CHST11: variants seen among roughly 807,000 people sequenced by gnomAD.
CHST11 encodes C4S-1.
CHST11 carries 9 observed loss-of-function variants against 30.4 expected under a neutral mutation model. The ratio of observed to expected loss-of-function variants is 0.30; its 90% CI spans 0.18 to 0.52. The LOEUF (loss-of-function observed/expected upper bound fraction) is 0.52, where lower values mean the gene tolerates loss of function less well. Among genes scored for constraint, CHST11 ranks in the 20% least tolerant of loss-of-function variants. The pLI, the probability that CHST11 is intolerant of heterozygous loss-of-function variation, is 0.97. For missense variants in CHST11, 348 were observed against 460.6 expected (o/e 0.76, Z 2.24); for synonymous variants, 152 against 187.8 (o/e 0.81, Z 1.56).
At chr12:104,537,390 G>C (rs181537050) in intron 1 of CHST11, among the ~76,000 whole-genome samples, 21 of 152,254 alleles carry the variant, frequency 1.4e-4, no homozygotes, top group Admixed American at 2.6e-4. Context: ...ACGACATTAG[G>C]GGGGTAGTGG....
intron 1 of CHST11, among the ~76,000 whole-genome samples, chr12:104,519,976 G>A (rs367750725): frequency 2.0e-5 from 3 of 152,170 alleles, no homozygotes; most frequent in Non-Finnish European, 4.4e-5. Flanking sequence ...TGGAGAGTGC[G>A]TGTGTTTAAT....
intron 1 of CHST11, among the ~76,000 whole-genome samples, chr12:104,538,933 C>T (rs2038262927): frequency 6.6e-6 from 1 of 152,236 alleles, no homozygotes; most frequent in South Asian, 2.1e-4. Flanking sequence ...CAACATATGC[C>T]AACTCATTGA....
At chr12:104,726,552 G>A (rs1260257686) in intron 2 of CHST11, among the ~76,000 whole-genome samples, 1 of 152,128 alleles carries the variant, frequency 6.6e-6, no homozygotes, top group African/African-American at 2.4e-5. Flanking sequence ...CCACTGGGAG[G>A]TGGACAGAGG....
Position 104,733,894 on chromosome 12 carries a change from C to T in CHST11, c.205-23055C>T, listed in dbSNP as rs75797837. On this transcript the variant is annotated intron_variant, in intron 2 of 2. Transcript: ENST00000303694. ...GTTTCTTTGAAAAGCCAGCGGGGGG[C>T]GCTTTGAGCCTTCTGATGATGCCAT... Among the ~76,000 whole-genome samples, 1,359 of 152,338 alleles carry T rather than the reference C, an allele frequency of 8.9e-3. 19 individuals carry two copies. Among genetic ancestry groups the T allele is most frequent in the African/African-American group, 0.031 (1,303 of 41,576 alleles).
intron 2 of CHST11, among the ~76,000 whole-genome samples, chr12:104,717,369 C>G (rs927605684): frequency 1.3e-5 from 2 of 152,174 alleles, no homozygotes; most frequent in African/African-American, 2.4e-5. Flanking sequence ...CCAGCGCTTC[C>G]TTCAGTAGGT....
At chr12:104,724,834 G>GAA (rs2136128951) in intron 2 of CHST11, among the ~76,000 whole-genome samples, 1 of 152,292 alleles carries the variant, frequency 6.6e-6, no homozygotes, top group East Asian at 1.9e-4. Context: ...ATTTCAGATA[G>GAA]ACAATGAATA....
rs79033027 is a variant in CHST11, at chr12:104,692,190, G to C, written c.205-64759G>C. 6.0e-4 allele frequency among the ~76,000 whole-genome samples: 92 copies of C among 152,296 alleles called. No individual in the cohort carries two copies. The East Asian group carries it at 0.015, about 25-fold the overall frequency. ...CACCGTCTCTGCAGTTTCACCCACA[G>C]AGCGAACCTCGGTCCGCAGTCCTCA... On this transcript the variant is annotated intron_variant, in intron 2 of 2. Coordinates refer to ENST00000303694, the MANE Select transcript of CHST11 (RefSeq NM_018413.6).
At chr12:104,473,455 G>T (rs1377691444) in intron 1 of CHST11, among the ~76,000 whole-genome samples, 1 of 152,148 alleles carries the variant, frequency 6.6e-6, no homozygotes, top group African/African-American at 2.4e-5. Flanking sequence ...TCTTGCTTCA[G>T]TGGGAGCTCA....
At chr12:104,470,757 A>G (rs564595928) in intron 1 of CHST11, among the ~76,000 whole-genome samples, 1 of 152,310 alleles carries the variant, frequency 6.6e-6, no homozygotes, top group South Asian at 2.1e-4. Flanking sequence ...AGGCTTAGAG[A>G]GGTGAAGGAG....
intron 1 of CHST11, among the ~76,000 whole-genome samples, chr12:104,526,307 T>C (rs1311415427): frequency 6.6e-6 from 1 of 152,224 alleles, no homozygotes. Flanking sequence ...ATACTGTTTA[T>C]AGAGGCCTTG....
In CHST11 at chr12:104,457,683, A is replaced by T. The variant is rs901421989; in HGVS notation, c.118+154A>T. Among the ~76,000 whole-genome samples the T allele has an allele frequency of 2.7e-5, 4 of 150,638 alleles. No homozygotes were observed. The South Asian group carries it at 8.4e-4, about 32-fold the overall frequency. On this transcript the variant is annotated intron_variant, in intron 1 of 2. Coordinates refer to ENST00000303694, the MANE Select transcript of CHST11 (RefSeq NM_018413.6). ...CCAGAGCTCCTGGCTGCCCAGATCT[A>T]CCCGGGTCACCGCGTCGGGATGGGG...
At chr12:104,593,363 C>T (rs2038878404) in intron 1 of CHST11, among the ~76,000 whole-genome samples, 1 of 152,044 alleles carries the variant, frequency 6.6e-6, no homozygotes, top group Admixed American at 6.6e-5. Flanking sequence ...TCTGAATTGT[C>T]CCTGTGGGAG....
intron 2 of CHST11, among the ~76,000 whole-genome samples, chr12:104,737,995 C>T (rs1189883375): frequency 6.6e-6 from 1 of 152,148 alleles, no homozygotes; most frequent in African/African-American, 2.4e-5. Context: ...CCCCAGGCCC[C>T]GATCCTACTT....
chr12:104,577,440 G>A (rs2038695991), intron 1 of CHST11, among the ~76,000 whole-genome samples: 1 of 152,096 alleles, frequency 6.6e-6, no homozygotes, highest in African/African-American at 2.4e-5. Flanking sequence ...TGCTTAATAA[G>A]TGCTTTCAGA....
chr12:104,610,043 CTGTGTGTGTGTGTGTGTGTGTG>C (rs56983056), intron 2 of CHST11, among the ~76,000 whole-genome samples: 37,040 of 143,144 alleles, frequency 0.26, 4,740 homozygotes, highest in East Asian at 0.36. Context: ...ATGAGTGCCT[CTGTGTGTGTGTGTGTGTGTGTG>C]TGTGTGTGTG....
At chr12:104,581,890 T>G (rs552788312) in intron 1 of CHST11, among the ~76,000 whole-genome samples, 1 of 152,240 alleles carries the variant, frequency 6.6e-6, no homozygotes, top group Non-Finnish European at 1.5e-5. Context: ...AGCATTCAAC[T>G]TGTAGCAAAC....
At chr12:104,471,283 T>G (rs956218369) in intron 1 of CHST11, among the ~76,000 whole-genome samples, 2 of 152,370 alleles carry the variant, frequency 1.3e-5, no homozygotes, top group East Asian at 3.9e-4. Context: ...GCCTGGTACA[T>G]AATGGTCACT....
rs755004689 is a variant in CHST11 at position 104,626,488 on chromosome 12, G to A, written c.204+24497G>A. Among the ~76,000 whole-genome samples the A allele has an allele frequency of 3.3e-5, 5 of 151,702 alleles. No individual in the cohort carries two copies. The South Asian group carries it at 1.0e-3, about 32-fold the overall frequency. On this transcript the variant is annotated intron_variant, in intron 2 of 2. Transcript: ENST00000303694. ...GAGAGCTATAATACTTTACAGGATTGGGGCAGAGCACATGAAATCATGTGT... is the reference window on the plus strand; with the variant it reads ...GAGAGCTATAATACTTTACAGGATTAGGGCAGAGCACATGAAATCATGTGT...
chr12:104,519,887 G>T (rs1317362204), intron 1 of CHST11, among the ~76,000 whole-genome samples: 2 of 152,136 alleles, frequency 1.3e-5, no homozygotes, highest in African/African-American at 2.4e-5. Flanking sequence ...CTTCACAGTT[G>T]GTTTTGTTGA....
Sources: gnomAD v4.1 joint callset for allele counts (sites outside exome capture counted in the v4.1 genomes callset) on GRCh38, gnomAD v4.1.1 for gene constraint, MANE v1.5 for transcripts, NCBI Gene and HGNC (gene_info 2026-07-23, HGNC 2026-07-21) for gene names.